EEFSEC: variants seen among roughly 807,000 people sequenced by gnomAD.
EEFSEC encodes the protein eukaryotic elongation factor, selenocysteine-tRNA specific.
Under a neutral mutation model 42.1 loss-of-function variants are expected in EEFSEC, and 43 were observed. That is an observed-to-expected ratio of 1.02 (90% CI 0.80 to 1.32). The LOEUF is 1.32. EEFSEC is among the 40% of genes most tolerant of loss of function. EEFSEC has a pLI of 0.00. For missense variants in EEFSEC, 745 were observed against 803.6 expected (o/e 0.93, Z 0.88); for synonymous variants, 354 against 339.1 (o/e 1.04, Z -0.48).
intron 5 of EEFSEC, among the ~76,000 whole-genome samples, chr3:128,350,128 C>T (rs1263761184): frequency 6.6e-6 from 1 of 152,220 alleles, no homozygotes; most frequent in Non-Finnish European, 1.5e-5. Flanking sequence ...CAGGAGCACT[C>T]GCCAGCTTTG....
chr3:128,371,774 C>T (rs1281567928), intron 6 of EEFSEC, among the ~76,000 whole-genome samples: 1 of 152,188 alleles, frequency 6.6e-6, no homozygotes, highest in Non-Finnish European at 1.5e-5. Flanking sequence ...AGGCATGCCC[C>T]CAGAGTCCCA....
intron 1 of EEFSEC, among the ~76,000 whole-genome samples, chr3:128,168,111 C>T (rs1484866593): frequency 2.0e-5 from 3 of 152,140 alleles, no homozygotes; most frequent in East Asian, 3.9e-4. Flanking sequence ...GACTCTGAGA[C>T]AGGACGAGCA....
chr3:128,341,180 CA>C, intron 4 of EEFSEC, 52 bp from the exon 5 acceptor site: 1 of 1,544,158 alleles, frequency 6.5e-7, no homozygotes. Context: ...CTCTCCTCCC[CA>C]CAGCCCCGAG....
intron 2 of EEFSEC, among the ~76,000 whole-genome samples, chr3:128,254,618 G>T (rs1388740827): frequency 6.6e-6 from 1 of 152,198 alleles, no homozygotes; most frequent in African/African-American, 2.4e-5. Flanking sequence ...GGAGGGGAAG[G>T]AGGTGAGGGC....
intron 2 of EEFSEC, among the ~76,000 whole-genome samples, chr3:128,259,002 C>A (rs2066270544): frequency 6.6e-6 from 1 of 152,176 alleles, no homozygotes. Context: ...AGCCTGTGGC[C>A]TGGAACAAGC....
At chr3:128,393,784 C>A (rs1361445606) in intron 6 of EEFSEC, among the ~76,000 whole-genome samples, 1 of 152,276 alleles carries the variant, frequency 6.6e-6, no homozygotes, top group East Asian at 1.9e-4. Flanking sequence ...AGCCAAGAGG[C>A]AGTTACAGTG....
chr3:128,362,697 G>C (rs1241033127), intron 6 of EEFSEC, among the ~76,000 whole-genome samples: 1 of 152,200 alleles, frequency 6.6e-6, no homozygotes, highest in Non-Finnish European at 1.5e-5. Context: ...TTCTCACCAG[G>C]TAACAACTGA....
intron 6 of EEFSEC, among the ~76,000 whole-genome samples, chr3:128,396,905 A>G (rs937267674): frequency 6.6e-6 from 1 of 152,158 alleles, no homozygotes; most frequent in African/African-American, 2.4e-5. Context: ...CTTACACAAG[A>G]TGGTCTTTTC....
At chr3:128,310,566 A>G (rs2066878789) in intron 4 of EEFSEC, among the ~76,000 whole-genome samples, 1 of 152,208 alleles carries the variant, frequency 6.6e-6, no homozygotes, top group African/African-American at 2.4e-5. Context: ...TAGGCACACA[A>G]CAGAACAGTG....
At chr3:128,260,794 C>T (rs2066288496) in intron 2 of EEFSEC, among the ~76,000 whole-genome samples, 1 of 152,180 alleles carries the variant, frequency 6.6e-6, no homozygotes, top group Non-Finnish European at 1.5e-5. Flanking sequence ...ATTGCTCAAG[C>T]CTTTGGTTAA....
chr3:128,353,301 A>G (rs1018541466), intron 5 of EEFSEC, among the ~76,000 whole-genome samples: 1 of 152,320 alleles, frequency 6.6e-6, no homozygotes. Flanking sequence ...CCCTATAACC[A>G]TAGGTGGGGA....
chr3:128,335,959 G>A (rs949773118), intron 4 of EEFSEC, among the ~76,000 whole-genome samples: 4 of 152,190 alleles, frequency 2.6e-5, no homozygotes, highest in Admixed American at 1.3e-4. Context: ...AAGGCTGAAG[G>A]AGACTTTAGG....
At chr3:128,315,602 AC>A (rs2066936673) in intron 4 of EEFSEC, among the ~76,000 whole-genome samples, 1 of 152,182 alleles carries the variant, frequency 6.6e-6, no homozygotes, top group African/African-American at 2.4e-5. Context: ...GAGGGAGTCT[AC>A]CATTGGTACC....
chr3:128,286,396 T>C (rs2066586271), intron 4 of EEFSEC, among the ~76,000 whole-genome samples: 4 of 152,274 alleles, frequency 2.6e-5, no homozygotes, highest in Admixed American at 1.3e-4. Context: ...ATGTAATTAT[T>C]TGGAATTCTT....
intron 1 of EEFSEC, among the ~76,000 whole-genome samples, chr3:128,215,175 T>C (rs996251683): frequency 2.0e-5 from 3 of 152,166 alleles, no homozygotes; most frequent in African/African-American, 4.8e-5. Context: ...GCAACCCTAA[T>C]TGGTTCATGG....
intron 4 of EEFSEC, among the ~76,000 whole-genome samples, chr3:128,297,364 T>G (rs1412778753): frequency 6.6e-6 from 1 of 152,140 alleles, no homozygotes; most frequent in Non-Finnish European, 1.5e-5. Context: ...CTTTCTTTAT[T>G]TGTGGATTGA....
intron 2 of EEFSEC, among the ~76,000 whole-genome samples, chr3:128,248,485 C>T (rs1363277780): frequency 6.6e-6 from 1 of 152,216 alleles, no homozygotes; most frequent in Non-Finnish European, 1.5e-5. Context: ...TAGCAAAATT[C>T]ATCAATCCGA....
At chr3:128,403,388 A>G (rs568809318) in intron 6 of EEFSEC, among the ~76,000 whole-genome samples, 2 of 152,174 alleles carry the variant, frequency 1.3e-5, no homozygotes, top group African/African-American at 4.8e-5. Context: ...GCAGGGAGGA[A>G]GATGGGGGCA....
chr3:128,390,703 C>T (rs926581328), intron 6 of EEFSEC, among the ~76,000 whole-genome samples: 2 of 152,176 alleles, frequency 1.3e-5, no homozygotes, highest in African/African-American at 2.4e-5. Flanking sequence ...AGCCAGAGGG[C>T]CCCTGCCCTC....
Sources: allele counts gnomAD v4.1 joint callset (sites outside exome capture counted in the v4.1 genomes callset), GRCh38; gene constraint gnomAD v4.1.1; transcripts MANE v1.5; gene names NCBI Gene and HGNC (gene_info 2026-07-23, HGNC 2026-07-21).